The following POLB variants were observed in gnomAD, a reference collection of about 807,000 sequenced individuals.
POLB encodes 5'-dRP lyase.
A neutral mutation model predicts 52.7 loss-of-function variants in POLB; 37 were observed. That is an observed-to-expected ratio of 0.70 (90% confidence interval 0.54 to 0.92). The LOEUF is 0.92. POLB is among the 40% of genes least tolerant of loss of function. POLB has a pLI of 0.00. For missense variants in POLB, 313 were observed against 400.8 expected, an observed-to-expected ratio of 0.78 and a Z score of 1.87; for synonymous variants, 138 against 131.3, an observed-to-expected ratio of 1.05 and a Z score of -0.35.
chr8:42,370,803 A>T (rs1287983859), intron 13 of POLB, among the ~76,000 whole-genome samples: 1 of 152,224 alleles, frequency 6.6e-6, no homozygotes, highest in Admixed American at 6.5e-5. Context: ...TAAAGAAAAA[A>T]ATCATAAAAA....
chr8:42,348,192 G>GAT (rs1202053781), intron 3 of POLB, among the ~76,000 whole-genome samples: 1 of 152,184 alleles, frequency 6.6e-6, no homozygotes, highest in East Asian at 1.9e-4. Context: ...AGGTAATAGA[G>GAT]ATATGTATCT....
chr8:42,370,243 T>G (rs1824294957), intron 13 of POLB: 1 of 557,308 alleles, frequency 1.8e-6, no homozygotes, highest in Admixed American at 2.6e-5. Flanking sequence ...GTAAAATATC[T>G]TATTCATCTA....
chr8:42,339,059 A>G lies in POLB; in HGVS notation c.109A>G (p.Asn37Asp). The change falls in exon 2 of 14, where the codon AAT (asparagine) becomes GAT (aspartate). Residue 37 changes from asparagine (N) to aspartate (D), a missense_variant. This residue lies in a region of POLB where 54 missense variants were observed against 63.4 expected (regional missense o/e 0.85). Coordinates refer to ENST00000265421, the MANE Select transcript of POLB (RefSeq NM_002690.3). ...KNVSQAIHKY[N>D]AYRKAASVIA... ...CGTGAGCCAAGCTATCCACAAGTAC[A>G]ATGCTTACAGGTGGGACAGTGCAGC... The G allele has an allele frequency of 1.2e-6, 2 of 1,612,884 alleles. No homozygotes were observed. The highest frequency in any genetic ancestry group is 1.7e-6 in the Non-Finnish European group (2 of 1,178,860).
chr8:42,341,089 C>T (rs1822173334), intron 2 of POLB, among the ~76,000 whole-genome samples: 1 of 152,182 alleles, frequency 6.6e-6, no homozygotes, highest in African/African-American at 2.4e-5. Flanking sequence ...TCTGGAAAAG[C>T]AGGTGATTCC....
chr8:42,357,373 C>A lies in POLB; in HGVS notation c.531C>A (p.Val177=). 2 of 1,574,670 alleles carry A rather than the reference C, an allele frequency of 1.3e-6. No individual in the cohort carries two copies. Among genetic ancestry groups the A allele is most frequent in the Non-Finnish European group, 1.7e-6 (2 of 1,144,682 alleles). Reference sequence around the variant, plus strand: ...TGGATTCTGAATACATTGCTACAGTCTGTGGCAGTTTCAGAAGAGGTAACA... The same window carrying A: ...TGGATTCTGAATACATTGCTACAGTATGTGGCAGTTTCAGAAGAGGTAACA... ...KKVDSEYIAT[V]CGSFRRGAES... is the part of the protein sequence containing the mutation. The change falls in exon 9 of 14, where the codon GTC becomes GTA. Residue 177 remains valine, a synonymous_variant. Transcript: ENST00000265421.
chr8:42,338,977 GT>G, intron 1 of POLB, 34 bp from the exon 2 acceptor site: 1 of 1,585,808 alleles, frequency 6.3e-7, no homozygotes, highest in South Asian at 1.1e-5. Flanking sequence ...TTTACTCGTG[GT>G]TCTTGTTCAC....
chr8:42,348,915 G>A (rs1240271536), intron 3 of POLB, 101 bp from the exon 4 acceptor site: 2 of 601,188 alleles, frequency 3.3e-6, no homozygotes, highest in South Asian at 2.4e-5. Context: ...CTTATCACAT[G>A]GTATTCATTT....
At position 42,343,351 on chromosome 8, in the gene POLB, T is replaced by TAC. The variant is rs1822362770; in HGVS notation, c.120-1601_120-1600insCA. Among the ~76,000 whole-genome samples, 2 of 24,782 alleles carry TAC rather than the reference T, an allele frequency of 8.1e-5. 1 individual carries two copies. The highest frequency in any genetic ancestry group is 3.1e-4 in the Non-Finnish European group (2 of 6,398). 16.3% of individuals were successfully genotyped at this position (24,782 alleles called of 152,430 possible). On this transcript the variant is annotated intron_variant, in intron 2 of 13. Coordinates refer to ENST00000265421, the MANE Select transcript of POLB (RefSeq NM_002690.3). ...AAAAAAAAAAAAAAAAAAAAATATA[T>TAC]ATATATATATATATATATACACAAA... is the stretch of plus-strand genomic sequence containing the variant.
intron 9 of POLB, among the ~76,000 whole-genome samples, chr8:42,360,673 G>C (rs1442798829): frequency 6.6e-6 from 1 of 151,960 alleles, no homozygotes; most frequent in African/African-American, 2.4e-5. Context: ...TATATAACTT[G>C]CCTGAAGCTA....
In POLB at chr8:42,355,280, C is replaced by T. The variant is rs186199670; in HGVS notation, c.371-236C>T. Among the ~76,000 whole-genome samples the T allele has an allele frequency of 4.2e-3, 633 of 151,934 alleles. 8 individuals carry two copies. Among genetic ancestry groups the T allele is most frequent in the African/African-American group, 0.015 (603 of 41,502 alleles). ...GTCTCGAACTCCTGACCTTGTGATC[C>T]GCCCGCCTCGGCCTCCCAAAGTGCT... On this transcript the variant is annotated intron_variant, in intron 6 of 13. Transcript: ENST00000265421.
chr8:42,353,392 G>T (rs1317166313), intron 6 of POLB, among the ~76,000 whole-genome samples: 5 of 151,840 alleles, frequency 3.3e-5, no homozygotes, highest in East Asian at 1.9e-4. Flanking sequence ...ACAGGCGTGA[G>T]CCACCGCGCC....
intron 9 of POLB, among the ~76,000 whole-genome samples, chr8:42,359,813 A>G (rs1585904018): frequency 6.6e-6 from 1 of 151,806 alleles, no homozygotes. Flanking sequence ...ATAAAGTGAA[A>G]CATTTTTGTT....
intron 11 of POLB, among the ~76,000 whole-genome samples, chr8:42,365,963 G>A (rs943539161): frequency 2.0e-5 from 3 of 152,294 alleles, no homozygotes; most frequent in Middle Eastern, 3.4e-3. Flanking sequence ...AGCTGGGCGT[G>A]GTGGCGGGCG....
Position 42,369,395 on chromosome 8 carries a change from C to T in POLB, c.773+60C>T, listed in dbSNP as rs932883021. The T allele has an allele frequency of 6.1e-6, 6 of 975,706 alleles. No homozygotes were observed. The African/African-American group carries it at 9.7e-5, about 16-fold the overall frequency. 60.4% of individuals were successfully genotyped at this position (975,706 alleles called of 1,614,324 possible). ...TTTCCAAACTTGTCTCGTTTTCTCC[C>T]TCCCTGTTTGTATCTTGGAGTTCAC... On this transcript the variant is annotated intron_variant, in intron 12 of 13. Coordinates refer to ENST00000265421, the MANE Select transcript of POLB (RefSeq NM_002690.3).
chr8:42,362,725 C>T, intron 11 of POLB, 27 bp downstream of exon 11: 3 of 1,346,230 alleles, frequency 2.2e-6, no homozygotes, highest in South Asian at 1.2e-5. Flanking sequence ...GTTAGCACAT[C>T]TAAAAAAAAA....
At chr8:42,347,505 A>G (rs1253305816) in intron 3 of POLB, among the ~76,000 whole-genome samples, 1 of 151,782 alleles carries the variant, frequency 6.6e-6, no homozygotes, top group East Asian at 1.9e-4. Flanking sequence ...TTCTTCTTAG[A>G]TTATCTAATC....
At chr8:42,362,493 A>T (rs1823763903) in intron 10 of POLB, 119 bp from the exon 11 acceptor site, 1 of 648,964 alleles carries the variant, frequency 1.5e-6, no homozygotes, top group Admixed American at 2.7e-5. Context: ...ACCTGTGAAT[A>T]GCACAGTCTC....
At chr8:42,358,410 G>A (rs1823465374) in intron 9 of POLB, among the ~76,000 whole-genome samples, 1 of 152,042 alleles carries the variant, frequency 6.6e-6, no homozygotes, top group South Asian at 2.1e-4. Context: ...GCTGAGGCAG[G>A]AGAATGGCAT....
At chr8:42,339,901 C>T (rs1443301135) in intron 2 of POLB, 3 of 152,168 alleles carry the variant, frequency 2.0e-5, no homozygotes, top group Non-Finnish European at 2.9e-5. Flanking sequence ...GCAAGTCCCT[C>T]AGCTCTTAAA....
Sources: allele counts gnomAD v4.1 joint callset (sites outside exome capture counted in the v4.1 genomes callset), GRCh38; gene constraint gnomAD v4.1.1; regional missense constraint gnomAD v4.1.1; transcripts MANE v1.5; gene names NCBI Gene and HGNC (gene_info 2026-07-23, HGNC 2026-07-21).